The following CNTN4 variants were observed in gnomAD, a reference collection of about 807,000 sequenced individuals.
The protein encoded by CNTN4 is contactin-4.
A neutral mutation model predicts 122.5 loss-of-function variants in CNTN4; 77 were observed. That is an observed-to-expected ratio of 0.63 (90% CI 0.52 to 0.76). CNTN4 has a LOEUF of 0.76. CNTN4 is among the 30% of genes least tolerant of loss of function. The probability of loss-of-function intolerance (pLI) is 0.00; values close to 1 mark genes in which losing one functional copy is unlikely to be tolerated. For synonymous variants in CNTN4, 512 were observed against 447.0 expected, an observed-to-expected ratio of 1.15 and a Z score of -1.83; for missense variants, 1,256 against 1,259.1, an observed-to-expected ratio of 1.00 and a Z score of 0.04.
chr3:2,727,852 TG>T (rs1289139974), intron 4 of CNTN4, among the ~76,000 whole-genome samples: 3 of 152,254 alleles, frequency 2.0e-5, no homozygotes, highest in African/African-American at 7.2e-5. Flanking sequence ...TGTTTCTTGC[TG>T]TTTAAAATGC....
At chr3:2,575,039 A>G (rs1004136323) in intron 4 of CNTN4, among the ~76,000 whole-genome samples, 1 of 152,172 alleles carries the variant, frequency 6.6e-6, no homozygotes, top group African/African-American at 2.4e-5. Context: ...AACTATTAGT[A>G]TATTTTAAAA....
At chr3:2,660,015 G>T (rs768477379) in intron 4 of CNTN4, among the ~76,000 whole-genome samples, 7 of 152,074 alleles carry the variant, frequency 4.6e-5, no homozygotes, top group Admixed American at 4.6e-4. Flanking sequence ...ATAGCATGAC[G>T]ATCTGATGCA....
intron 4 of CNTN4, among the ~76,000 whole-genome samples, chr3:2,659,480 A>AAAG (rs781000822): frequency 2.0e-4 from 27 of 132,584 alleles, no homozygotes; most frequent in East Asian, 6.3e-4. Context: ...AAAAAAAAAA[A>AAAG]AAGAAGAAGA....
At chr3:2,176,723 C>T (rs983278889) in intron 2 of CNTN4, among the ~76,000 whole-genome samples, 2 of 151,946 alleles carry the variant, frequency 1.3e-5, no homozygotes, top group East Asian at 1.9e-4. Context: ...CTAATTTCAG[C>T]GGTTAAATTT....
At chr3:2,822,080 C>T (rs1403441512) in intron 7 of CNTN4, among the ~76,000 whole-genome samples, 2 of 152,134 alleles carry the variant, frequency 1.3e-5, no homozygotes, top group Non-Finnish European at 2.9e-5. Flanking sequence ...ATGTCTGGAT[C>T]AGGGACAAGG....
At chr3:2,214,602 C>T (rs1178517) in intron 2 of CNTN4, among the ~76,000 whole-genome samples, 100,486 of 151,900 alleles carry the variant, frequency 0.66, 33,757 homozygotes, top group Non-Finnish European at 0.7. Context: ...GACATCACAG[C>T]ATACATCCTC....
intron 8 of CNTN4, among the ~76,000 whole-genome samples, chr3:2,868,137 A>G (rs2093744815): frequency 1.3e-5 from 2 of 152,232 alleles, no homozygotes; most frequent in Non-Finnish European, 2.9e-5. Context: ...CCATCAGCCA[A>G]AAACATTAAT....
chr3:3,024,469 T>C (rs918863056), intron 14 of CNTN4, among the ~76,000 whole-genome samples: 1 of 151,746 alleles, frequency 6.6e-6, no homozygotes, highest in Non-Finnish European at 1.5e-5. Context: ...TTTTATTATG[T>C]AGTCCTCAAA....
rs148215286 is a variant in CNTN4, at chr3:2,386,751, A to G, written c.-89+47518A>G. ...ATTTCAACGAATTATTAAGTATTAC[A>G]TAAGTCTTTTAAAATTATTTGAGAT... On this transcript the variant is annotated intron_variant, in intron 3 of 24. Transcript: ENST00000418658. 7.2e-4 allele frequency among the ~76,000 whole-genome samples: 110 copies of G among 152,352 alleles called. 1 individual carries two copies. The highest frequency in any genetic ancestry group is 2.6e-3 in the African/African-American group (108 of 41,592).
chr3:2,698,897 C>A (rs1004300966), intron 4 of CNTN4, among the ~76,000 whole-genome samples: 1 of 152,084 alleles, frequency 6.6e-6, no homozygotes, highest in East Asian at 1.9e-4. Context: ...GTGGCAGGCT[C>A]CTGTAATCCC....
chr3:2,194,050 C>T (rs1304296059), intron 2 of CNTN4, among the ~76,000 whole-genome samples: 1 of 152,120 alleles, frequency 6.6e-6, no homozygotes, highest in Non-Finnish European at 1.5e-5. Context: ...AGTAACTGTA[C>T]TATGGGTACA....
chr3:2,611,304 AAAAAAAAAG>A (rs1434924817), intron 4 of CNTN4, among the ~76,000 whole-genome samples: 1 of 148,526 alleles, frequency 6.7e-6, no homozygotes, highest in Non-Finnish European at 1.5e-5. Context: ...AACCAAAAAA[AAAAAAAAAG>A]AAAGAAAGAA....
intron 4 of CNTN4, among the ~76,000 whole-genome samples, chr3:2,728,941 T>A (rs1360615014): frequency 6.6e-6 from 1 of 152,236 alleles, no homozygotes; most frequent in South Asian, 2.1e-4. Context: ...TTGGCTGTTA[T>A]GGCAGCACTT....
At chr3:2,241,467 C>G (rs1467652983) in intron 2 of CNTN4, among the ~76,000 whole-genome samples, 2 of 152,164 alleles carry the variant, frequency 1.3e-5, no homozygotes, top group African/African-American at 4.8e-5. Context: ...ATCTCTCTGT[C>G]TTTGCTCATT....
intron 4 of CNTN4, among the ~76,000 whole-genome samples, chr3:2,604,822 C>T (rs779845110): frequency 6.6e-6 from 1 of 152,076 alleles, no homozygotes; most frequent in Non-Finnish European, 1.5e-5. Flanking sequence ...TTTTCTCCTG[C>T]CCCCTTGTTG....
At chr3:2,521,351 A>ACCC (rs770856406) in intron 3 of CNTN4, among the ~76,000 whole-genome samples, 3 of 115,200 alleles carry the variant, frequency 2.6e-5, no homozygotes, top group Non-Finnish European at 5.6e-5. Flanking sequence ...CATCCCCCCC[A>ACCC]CCCCCCGCAA....
intron 7 of CNTN4, among the ~76,000 whole-genome samples, chr3:2,857,641 G>A (rs148628441): frequency 9.9e-5 from 15 of 152,138 alleles, no homozygotes; most frequent in East Asian, 9.7e-4. Context: ...AAAGTGGTGC[G>A]ATTATGGTTC....
chr3:2,432,642 A>ATGTGTATATATATGTG (rs563446302), intron 3 of CNTN4, among the ~76,000 whole-genome samples: 6 of 151,556 alleles, frequency 4.0e-5, no homozygotes, highest in African/African-American at 1.2e-4. Flanking sequence ...GTGTGTATGT[A>ATGTGTATATATATGTG]TGTGTATATA....
At chr3:2,761,220 A>C (rs1226770911) in intron 6 of CNTN4, among the ~76,000 whole-genome samples, 3 of 152,050 alleles carry the variant, frequency 2.0e-5, no homozygotes, top group Non-Finnish European at 2.9e-5. Flanking sequence ...ATTTCTCCTA[A>C]ATTTTCTTAG....
Sources: gnomAD v4.1 joint callset for allele counts (sites outside exome capture counted in the v4.1 genomes callset) on GRCh38, gnomAD v4.1.1 for gene constraint, MANE v1.5 for transcripts, NCBI Gene and HGNC (gene_info 2026-07-23, HGNC 2026-07-21) for gene names.